Variants in SLC8A1 observed in about 807,000 individuals in gnomAD.
SLC8A1 encodes sodium/calcium exchanger 1.
In SLC8A1, 18 loss-of-function variants were observed where a neutral mutation model predicts 68.3. The observed-to-expected ratio is 0.26, with a 90% CI of 0.18 to 0.39. SLC8A1 has a LOEUF of 0.39. SLC8A1 is among the 10% of genes least tolerant of loss of function. The pLI is 1.00. For synonymous variants in SLC8A1, 475 were observed against 415.5 expected (o/e 1.14, Z -1.74); for missense variants, 985 against 1,156.7 (o/e 0.85, Z 2.15).
chr2:40,193,244 G>T (rs1418135837), intron 2 of SLC8A1, among the ~76,000 whole-genome samples: 9 of 152,122 alleles, frequency 5.9e-5, no homozygotes, highest in African/African-American at 1.9e-4. Flanking sequence ...TCATGAGGAA[G>T]GGCAAGATGA....
chr2:40,326,290 C>A (rs778619572), intron 2 of SLC8A1, among the ~76,000 whole-genome samples: 1 of 152,036 alleles, frequency 6.6e-6, no homozygotes, highest in Non-Finnish European at 1.5e-5. Flanking sequence ...TGCTAAACCT[C>A]CTACTTTTGG....
chr2:40,279,630 A>G (rs2067225550), intron 2 of SLC8A1, among the ~76,000 whole-genome samples: 1 of 152,206 alleles, frequency 6.6e-6, no homozygotes, highest in Non-Finnish European at 1.5e-5. Context: ...CATGTTTGAT[A>G]GGGTCTGGCA....
At chr2:40,109,659 C>G (rs1335735055) in exon 8 of SLC8A1, 1 of 152,036 alleles carries the variant, frequency 6.6e-6, no homozygotes, top group Admixed American at 6.6e-5. Context: ...GTGAGCATCA[C>G]TAAGGGTAGT....
At chr2:40,332,432 C>CGGGGGCG (rs2076511468) in intron 2 of SLC8A1, among the ~76,000 whole-genome samples, 1 of 30,924 alleles carries the variant, frequency 3.2e-5, no homozygotes, top group South Asian at 1.5e-3. Context: ...GGGGGGAGGA[C>CGGGGGCG]GGGGGCGGGG....
At chr2:40,186,329 T>A (rs954873726) in intron 2 of SLC8A1, among the ~76,000 whole-genome samples, 6 of 152,114 alleles carry the variant, frequency 3.9e-5, no homozygotes, top group African/African-American at 1.2e-4. Context: ...TGCCTTTGTA[T>A]CACTTGGTTT....
intron 2 of SLC8A1, among the ~76,000 whole-genome samples, chr2:40,295,277 T>G (rs72939233): frequency 0.012 from 1,803 of 152,000 alleles, 35 homozygotes; most frequent in African/African-American, 0.041. Flanking sequence ...TTTTAAAAAA[T>G]TATTTTGTAG....
chr2:40,222,158 G>T (rs1035398567), intron 2 of SLC8A1, among the ~76,000 whole-genome samples: 11 of 151,886 alleles, frequency 7.2e-5, no homozygotes, highest in African/African-American at 2.4e-4. Flanking sequence ...CATGGTACTG[G>T]TACCAAATTA....
exon 8 of SLC8A1, chr2:40,097,408 A>G (rs907697116): frequency 1.3e-5 from 2 of 152,056 alleles, no homozygotes; most frequent in Non-Finnish European, 1.5e-5. Flanking sequence ...ACGATTAAAC[A>G]TCACATATAA....
chr2:40,195,942 A>G lies in SLC8A1; in HGVS notation c.1809-18087T>C, dbSNP rs370175938. ...TAATAATATCACTGGTAAGAGTGTAAAAGAGTAAAGGGAGGCGGGGAGAAA... is the reference window on the plus strand; with the variant it reads ...TAATAATATCACTGGTAAGAGTGTAGAAGAGTAAAGGGAGGCGGGGAGAAA... On this transcript the variant is annotated intron_variant, in intron 2 of 7. Coordinates refer to ENST00000406785, the Ensembl canonical transcript of SLC8A1. 2.6e-5 allele frequency: 4 copies of G among 152,124 alleles called. No individual in the cohort carries two copies. The East Asian group carries it at 5.8e-4, about 22-fold the overall frequency. 9.4% of individuals were successfully genotyped at this position (152,124 alleles called of 1,614,324 possible). A position where few individuals can be genotyped will look rare whatever the true frequency, so the allele number is the denominator to read the frequency against.
At chr2:40,241,954 C>T (rs936491969) in intron 2 of SLC8A1, among the ~76,000 whole-genome samples, 7 of 151,998 alleles carry the variant, frequency 4.6e-5, no homozygotes, top group Non-Finnish European at 7.4e-5. Context: ...ATTAATTATT[C>T]ATAATTCCTA....
At chr2:40,191,558 A>G (rs2051847357) in intron 2 of SLC8A1, among the ~76,000 whole-genome samples, 1 of 152,186 alleles carries the variant, frequency 6.6e-6, no homozygotes, top group Non-Finnish European at 1.5e-5. Flanking sequence ...CTTGTTTATG[A>G]TGGAAGTTTC....
rs576025661 is a variant in SLC8A1 at position 40,342,844 on chromosome 2, G to A, written c.1808+85629C>T. ...ACTCACTGCAAATATGAACAAACGTGAACTAAAATAGAGTATTCGGGGTTC... is the reference window on the plus strand; with the variant it reads ...ACTCACTGCAAATATGAACAAACGTAAACTAAAATAGAGTATTCGGGGTTC... On this transcript the variant is annotated intron_variant, in intron 2 of 7. Coordinates refer to ENST00000406785, the Ensembl canonical transcript of SLC8A1. 2.6e-5 allele frequency among the ~76,000 whole-genome samples: 4 copies of A among 152,178 alleles called. No individual in the cohort carries two copies. The South Asian group carries it at 8.3e-4, about 32-fold the overall frequency.
At chr2:40,398,580 A>G (rs1012838080) in intron 2 of SLC8A1, among the ~76,000 whole-genome samples, 1 of 144,400 alleles carries the variant, frequency 6.9e-6, no homozygotes, top group African/African-American at 2.4e-5. Flanking sequence ...CTACGTACAT[A>G]TTTTATTTTT....
intron 2 of SLC8A1, among the ~76,000 whole-genome samples, chr2:40,338,745 T>TA (rs1666789436): frequency 5.3e-5 from 8 of 152,210 alleles, no homozygotes; most frequent in African/African-American, 1.9e-4. Flanking sequence ...CTTCCATAAT[T>TA]GGATTTTCTT....
At chr2:40,396,971 T>C (rs1687185348) in intron 2 of SLC8A1, among the ~76,000 whole-genome samples, 1 of 152,120 alleles carries the variant, frequency 6.6e-6, no homozygotes, top group East Asian at 1.9e-4. Context: ...AGGGTTTAAA[T>C]CTGCAATTTC....
chr2:40,161,453 A>C (rs572714473), intron 5 of SLC8A1, among the ~76,000 whole-genome samples: 1 of 152,290 alleles, frequency 6.6e-6, no homozygotes, highest in African/African-American at 2.4e-5. Flanking sequence ...ATTGCAAACA[A>C]GAATACACAA....
chr2:40,398,940 CTATT>C (rs1687847325), intron 2 of SLC8A1, among the ~76,000 whole-genome samples: 1 of 152,160 alleles, frequency 6.6e-6, no homozygotes, highest in Non-Finnish European at 1.5e-5. Context: ...CTCTATCTCT[CTATT>C]TATCTATCAT....
At chr2:40,477,069 A>T (rs1704337297) in intron 1 of SLC8A1, among the ~76,000 whole-genome samples, 1 of 152,230 alleles carries the variant, frequency 6.6e-6, no homozygotes, top group Non-Finnish European at 1.5e-5. Flanking sequence ...TATAGCAAAC[A>T]TAATACTGTC....
At chr2:40,419,381 A>G (rs901588793) in intron 2 of SLC8A1, among the ~76,000 whole-genome samples, 4 of 152,150 alleles carry the variant, frequency 2.6e-5, no homozygotes, top group African/African-American at 9.7e-5. Flanking sequence ...GAGCAAGAGT[A>G]TGGACTAATT....
Sources: allele counts gnomAD v4.1 joint callset (sites outside exome capture counted in the v4.1 genomes callset), GRCh38; gene constraint gnomAD v4.1.1; transcripts MANE v1.5; gene names NCBI Gene and HGNC (gene_info 2026-07-23, HGNC 2026-07-21).